SLC35F1: variants seen among roughly 807,000 people sequenced by gnomAD.
The protein encoded by SLC35F1 is chromosome 6 open reading frame 169.
SLC35F1 carries 14 observed loss-of-function variants against 48.7 expected under a neutral mutation model. The observed-to-expected ratio is 0.29, with a 90% CI of 0.19 to 0.45. The LOEUF (loss-of-function observed/expected upper bound fraction) is 0.45, where lower values mean the gene tolerates loss of function less well. SLC35F1 is among the 20% of genes least tolerant of loss of function. The pLI, the probability that SLC35F1 is intolerant of heterozygous loss-of-function variation, is 1.00. For synonymous variants in SLC35F1, 190 were observed against 202.2 expected, an observed-to-expected ratio of 0.94 and a Z score of 0.51; for missense variants, 404 against 500.0, an observed-to-expected ratio of 0.81 and a Z score of 1.83.
At chr6:118,098,390 A>T (rs919835570) in intron 1 of SLC35F1, among the ~76,000 whole-genome samples, 2 of 152,164 alleles carry the variant, frequency 1.3e-5, no homozygotes, top group Non-Finnish European at 2.9e-5. Flanking sequence ...CCATTCTTCC[A>T]GTGGCAATAA....
intron 3 of SLC35F1, among the ~76,000 whole-genome samples, chr6:118,259,729 G>A (rs751886532): frequency 6.6e-6 from 1 of 151,708 alleles, no homozygotes; most frequent in Middle Eastern, 3.4e-3. Context: ...AGTAACAAAT[G>A]TTGATAGGAT....
Position 118,224,934 on chromosome 6 carries a change from C to A in SLC35F1, c.350-10575C>A, listed in dbSNP as rs138064332. 3.2e-3 allele frequency among the ~76,000 whole-genome samples: 484 copies of A among 152,058 alleles called. 3 individuals carry two copies. The highest frequency in any genetic ancestry group is 0.011 in the African/African-American group (473 of 41,456). Reference sequence around the variant, plus strand: ...TGCCTAATTGCTCTGGCCTGGACTTCCAGTATTATTGAAGAAAAAGTGGTA... The same window carrying A: ...TGCCTAATTGCTCTGGCCTGGACTTACAGTATTATTGAAGAAAAAGTGGTA... On this transcript the variant is annotated intron_variant, in intron 2 of 7. Transcript: ENST00000360388.
chr6:118,034,717 A>T (rs926951670), intron 1 of SLC35F1, among the ~76,000 whole-genome samples: 11 of 152,154 alleles, frequency 7.2e-5, no homozygotes, highest in Non-Finnish European at 1.2e-4. Flanking sequence ...TTCACCTGTG[A>T]CTGTATTATA....
chr6:117,981,375 A>G (rs1776779240), intron 1 of SLC35F1, among the ~76,000 whole-genome samples: 1 of 152,164 alleles, frequency 6.6e-6, no homozygotes, highest in Non-Finnish European at 1.5e-5. Context: ...AATGGAGTAT[A>G]TAAAACTGAG....
At chr6:118,053,731 C>G (rs13199867) in intron 1 of SLC35F1, among the ~76,000 whole-genome samples, 27,404 of 152,036 alleles carry the variant, frequency 0.18, 2,686 homozygotes, top group Admixed American at 0.28. Context: ...AAACATTTCC[C>G]TCTTTTTAGG....
At chr6:118,190,098 C>T (rs1008078798) in intron 2 of SLC35F1, among the ~76,000 whole-genome samples, 3 of 152,150 alleles carry the variant, frequency 2.0e-5, no homozygotes, top group East Asian at 1.9e-4. Context: ...CAATTCCCCC[C>T]TTTTAGTCGT....
intron 1 of SLC35F1, among the ~76,000 whole-genome samples, chr6:117,981,788 T>C (rs983103863): frequency 6.6e-6 from 1 of 152,222 alleles, no homozygotes; most frequent in Non-Finnish European, 1.5e-5. Context: ...CTTTTTTTTG[T>C]ATATTCATAC....
rs544664941 is a variant in SLC35F1, at chr6:117,920,159, G to T, written c.173+12260G>T. On this transcript the variant is annotated intron_variant, in intron 1 of 7. Coordinates refer to ENST00000360388, the MANE Select transcript of SLC35F1 (RefSeq NM_001029858.4). ...CGGGGAAACACTGCGCTCTTAGAGAGGGGCCCTGTCCTCCACAGATAGCCC... is the reference window on the plus strand; with the variant it reads ...CGGGGAAACACTGCGCTCTTAGAGATGGGCCCTGTCCTCCACAGATAGCCC... Among the ~76,000 whole-genome samples, 823 of 152,346 alleles carry T rather than the reference G, an allele frequency of 5.4e-3. 4 individuals carry two copies. The highest frequency in any genetic ancestry group is 9.5e-3 in the Non-Finnish European group (643 of 68,032).
At chr6:118,278,804 G>A (rs1366590289) in intron 6 of SLC35F1, among the ~76,000 whole-genome samples, 1 of 152,244 alleles carries the variant, frequency 6.6e-6, no homozygotes, top group Non-Finnish European at 1.5e-5. Flanking sequence ...TTCACATGCA[G>A]TGGTCCATGA....
chr6:117,944,586 T>TACACAC (rs373551582), intron 1 of SLC35F1, among the ~76,000 whole-genome samples: 5,675 of 146,284 alleles, frequency 0.039, 140 homozygotes, highest in Admixed American at 0.058. Context: ...AACACACACA[T>TACACAC]ACACATACAC....
intron 1 of SLC35F1, among the ~76,000 whole-genome samples, chr6:117,928,484 C>T (rs747624813): frequency 1.1e-4 from 17 of 151,778 alleles, no homozygotes; most frequent in East Asian, 7.7e-4. Context: ...GTGAAAACAA[C>T]GTAACTTAAT....
At chr6:118,258,504 C>T (rs1472524018) in intron 3 of SLC35F1, among the ~76,000 whole-genome samples, 5 of 151,788 alleles carry the variant, frequency 3.3e-5, no homozygotes, top group Admixed American at 6.6e-5. Context: ...CTTTGAAATC[C>T]CTGGGGATTT....
chr6:118,306,506 G>A (rs1236755124), intron 7 of SLC35F1, among the ~76,000 whole-genome samples: 1 of 152,204 alleles, frequency 6.6e-6, no homozygotes, highest in African/African-American at 2.4e-5. Context: ...TTTGCAGAGG[G>A]AAAGTAGATG....
intron 1 of SLC35F1, among the ~76,000 whole-genome samples, chr6:117,945,164 C>T (rs113952008): frequency 6.6e-6 from 1 of 152,106 alleles, no homozygotes; most frequent in Non-Finnish European, 1.5e-5. Flanking sequence ...TGTGGGGCTC[C>T]GAGGGCCAGT....
chr6:117,968,570 A>G (rs1776600349), intron 1 of SLC35F1, among the ~76,000 whole-genome samples: 2 of 152,194 alleles, frequency 1.3e-5, no homozygotes, highest in South Asian at 4.1e-4. Context: ...TAAAGTCACA[A>G]GTGAGGTAGA....
At chr6:118,257,215 C>T (rs920527066) in intron 3 of SLC35F1, among the ~76,000 whole-genome samples, 1 of 151,996 alleles carries the variant, frequency 6.6e-6, no homozygotes, top group African/African-American at 2.4e-5. Context: ...CTACTTGCTC[C>T]ACCCCAAAGA....
At chr6:118,035,647 A>C (rs186954297) in intron 1 of SLC35F1, among the ~76,000 whole-genome samples, 14 of 150,518 alleles carry the variant, frequency 9.3e-5, no homozygotes, top group East Asian at 1.9e-4. Context: ...AAAACAAAAC[A>C]AAACCAAAAA....
intron 1 of SLC35F1, among the ~76,000 whole-genome samples, chr6:118,051,649 A>G (rs552570533): frequency 5.4e-4 from 83 of 152,304 alleles, no homozygotes; most frequent in Non-Finnish European, 1.0e-3. Flanking sequence ...GGAACCGAAC[A>G]TATGTGAAAA....
At position 118,064,138 on chromosome 6, in the gene SLC35F1, C is replaced by T. The variant is rs559388560; in HGVS notation, c.174-90307C>T. On this transcript the variant is annotated intron_variant, in intron 1 of 7. Coordinates refer to ENST00000360388, the MANE Select transcript of SLC35F1 (RefSeq NM_001029858.4). ...TGGATGGTAGCAGGCAAAAAGAGAGCTTATGCAGGGAAACTCCCATTTTAA... is the reference window on the plus strand; with the variant it reads ...TGGATGGTAGCAGGCAAAAAGAGAGTTTATGCAGGGAAACTCCCATTTTAA... Among the ~76,000 whole-genome samples the T allele has an allele frequency of 2.0e-5, 3 of 152,242 alleles. No homozygotes were observed. In the South Asian group the frequency reaches 6.2e-4, roughly 32 times the overall value.
Sources: gnomAD v4.1 joint callset for allele counts (sites outside exome capture counted in the v4.1 genomes callset) on GRCh38, gnomAD v4.1.1 for gene constraint, MANE v1.5 for transcripts, NCBI Gene and HGNC (gene_info 2026-07-23, HGNC 2026-07-21) for gene names.